ZNF782: variants seen among roughly 807,000 people sequenced by gnomAD.
ZNF782 encodes the protein zinc finger protein 782.
In ZNF782, 12 loss-of-function variants were observed where a neutral mutation model predicts 13.0. The observed-to-expected ratio is 0.92, with a 90% CI of 0.59 to 1.50. The LOEUF is 1.50. Among genes scored for constraint, ZNF782 ranks in the 40% most tolerant of loss-of-function variants. ZNF782 has a pLI of 0.00. For missense variants in ZNF782, 770 were observed against 822.9 expected, an observed-to-expected ratio of 0.94 and a Z score of 0.79; for synonymous variants, 284 against 283.0, an observed-to-expected ratio of 1.00 and a Z score of -0.04.
the ZNF782 span, among the ~76,000 whole-genome samples, chr9:96,925,799 C>T: frequency 1.8e-4 from 27 of 149,698 alleles, no homozygotes; most frequent in East Asian, 4.2e-3. Flanking sequence ...CGGCCTAGGG[C>T]CTCAAGTGCA....
At chr9:96,875,599 A>G (rs1377139459) in exon 1 of ZNF782, 1 of 456,646 alleles carries the variant, frequency 2.2e-6, no homozygotes, top group South Asian at 1.5e-5. Context: ...CGCCGCGGGC[A>G]TGCGCTTTCC....
rs1850217118 is a variant in ZNF782 at position 96,817,740 on chromosome 9, A to C, written c.*183T>G. 5.6e-6 allele frequency: 3 copies of C among 533,524 alleles called. No homozygotes were observed. The South Asian group carries it at 1.2e-4, about 21-fold the overall frequency. 33.0% of individuals were successfully genotyped at this position (533,524 alleles called of 1,614,324 possible). On this transcript the variant is annotated 3_prime_UTR_variant, in exon 6 of 6. Coordinates refer to ENST00000481138, the MANE Select transcript of ZNF782 (RefSeq NM_001001662.3). ...TAGAAGACTGGGCTCTGGCTGAAAG[A>C]ATGCCCATATAAAATAGATTTCAAC...
the ZNF782 span, among the ~76,000 whole-genome samples, chr9:96,922,800 G>T: frequency 2.0e-5 from 3 of 152,130 alleles, no homozygotes; most frequent in African/African-American, 7.2e-5. Context: ...TATAACTTGG[G>T]GGAAGTGTAA....
chr9:96,853,808 T>G (rs1851576257), intron 1 of ZNF782, among the ~76,000 whole-genome samples: 1 of 152,210 alleles, frequency 6.6e-6, no homozygotes, highest in Admixed American at 6.5e-5. Flanking sequence ...ACTGCTAGCT[T>G]GTGACCTGAG....
chr9:96,896,421 A>T, the ZNF782 span, among the ~76,000 whole-genome samples: 3 of 152,220 alleles, frequency 2.0e-5, no homozygotes, highest in Admixed American at 6.5e-5. Context: ...AGTAAGAAGT[A>T]GCAACTATTC....
chr9:96,848,482 A>G (rs1671180362), intron 3 of ZNF782, among the ~76,000 whole-genome samples: 1 of 152,240 alleles, frequency 6.6e-6, no homozygotes, highest in Non-Finnish European at 1.5e-5. Context: ...TACAAAATCA[A>G]TGTAAACAAA....
chr9:96,855,763 T>G (rs1851632926), upstream of ZNF782, among the ~76,000 whole-genome samples: 1 of 152,350 alleles, frequency 6.6e-6, no homozygotes, highest in African/African-American at 2.4e-5. Flanking sequence ...TTCCTCTGGG[T>G]AGATACCCAG....
At chr9:96,925,187 G>A in the ZNF782 span, among the ~76,000 whole-genome samples, 2 of 152,174 alleles carry the variant, frequency 1.3e-5, no homozygotes, top group East Asian at 1.9e-4. Flanking sequence ...AACCCCGCCC[G>A]CCTCGAGGCT....
At chr9:96,911,529 T>TTTTTTTTTTTTTTTTTTG in the ZNF782 span, among the ~76,000 whole-genome samples, 1 of 147,942 alleles carries the variant, frequency 6.8e-6, no homozygotes, top group Admixed American at 6.7e-5. Context: ...TTGTTTTGTT[T>TTTTTTTTTTTTTTTTTTG]TTTTTTTTTG....
upstream of ZNF782, among the ~76,000 whole-genome samples, chr9:96,878,342 G>C (rs570672512): frequency 6.6e-6 from 1 of 152,198 alleles, no homozygotes; most frequent in Non-Finnish European, 1.5e-5. Flanking sequence ...GAGCCACCGC[G>C]TCCGGACTCC....
At chr9:96,913,347 AG>A in the ZNF782 span, among the ~76,000 whole-genome samples, 3 of 151,884 alleles carry the variant, frequency 2.0e-5, no homozygotes, top group Non-Finnish European at 4.4e-5. Context: ...AAACCATTAG[AG>A]TAGTTCAGAC....
intron 5 of ZNF782, among the ~76,000 whole-genome samples, chr9:96,824,030 G>C (rs971484901): frequency 1.8e-4 from 27 of 152,160 alleles, no homozygotes; most frequent in Non-Finnish European, 4.0e-4. Context: ...CAGAAAAAGA[G>C]GGAGTCCTCC....
intron 4 of ZNF782, among the ~76,000 whole-genome samples, chr9:96,839,395 G>A (rs1851119491): frequency 1.3e-5 from 2 of 149,496 alleles, no homozygotes; most frequent in African/African-American, 4.9e-5. Context: ...TAGCTTGTCT[G>A]TGTCCTTCTC....
At chr9:96,883,100 CA>C in the ZNF782 span, among the ~76,000 whole-genome samples, 1 of 151,988 alleles carries the variant, frequency 6.6e-6, no homozygotes, top group African/African-American at 2.4e-5. Context: ...TGCATTGCCA[CA>C]TTAAAAAAAG....
the ZNF782 span, among the ~76,000 whole-genome samples, chr9:96,922,859 T>G: frequency 6.6e-6 from 1 of 150,608 alleles, no homozygotes; most frequent in African/African-American, 2.4e-5. Flanking sequence ...CACATCTTAC[T>G]GCTCACCGGT....
upstream of ZNF782, among the ~76,000 whole-genome samples, chr9:96,876,747 T>C (rs891427143): frequency 6.6e-6 from 1 of 151,564 alleles, no homozygotes; most frequent in African/African-American, 2.4e-5. Context: ...GGCTCACGCC[T>C]GTAATCCCAA....
At chr9:96,922,524 G>C in the ZNF782 span, among the ~76,000 whole-genome samples, 3 of 152,300 alleles carry the variant, frequency 2.0e-5, no homozygotes, top group Admixed American at 2.0e-4. Context: ...TGTAATCCCA[G>C]CACTTTGGGA....
the ZNF782 span, among the ~76,000 whole-genome samples, chr9:96,925,200 T>C: frequency 6.2e-3 from 947 of 152,208 alleles, 15 homozygotes; most frequent in African/African-American, 0.021. Context: ...TCGAGGCTCC[T>C]ACACAGGCGC....
At chr9:96,878,729 A>G (rs139995872), upstream of ZNF782, among the ~76,000 whole-genome samples, 19 of 152,324 alleles carry the variant, frequency 1.2e-4, no homozygotes, top group African/African-American at 4.1e-4. Flanking sequence ...ACTATTATAA[A>G]TAATATGTGG....
Sources: allele counts gnomAD v4.1 joint callset (sites outside exome capture counted in the v4.1 genomes callset), GRCh38; gene constraint gnomAD v4.1.1; transcripts MANE v1.5; gene names NCBI Gene and HGNC (gene_info 2026-07-23, HGNC 2026-07-21).